AHR: variants seen among roughly 807,000 people sequenced by gnomAD.
AHR encodes the protein AH-receptor.
In AHR, 40 loss-of-function variants were observed where a neutral mutation model predicts 86.8. That is an observed-to-expected ratio of 0.46 (90% CI 0.36 to 0.60). The LOEUF is 0.60. Among genes scored for constraint, AHR ranks in the 20% least tolerant of loss-of-function variants. The pLI, the probability that AHR is intolerant of heterozygous loss-of-function variation, is 0.00. For synonymous variants in AHR, 398 were observed against 354.9 expected, an observed-to-expected ratio of 1.12 and a Z score of -1.37; for missense variants, 1,001 against 1,011.6, an observed-to-expected ratio of 0.99 and a Z score of 0.14.
Position 17,339,380 on chromosome 7 carries a change from G to T in AHR, c.1555G>T (p.Asp519Tyr). 1 of 1,614,188 alleles carries T rather than the reference G, an allele frequency of 6.2e-7. No homozygotes were observed. Among genetic ancestry groups the T allele is most frequent in the Non-Finnish European group, 8.5e-7 (1 of 1,180,036 alleles). ...LKHEQIDQPQ[D>Y]VNSFAGGHPG... ...ACATGAGCAAATTGACCAGCCTCAG[G>T]ATGTGAACTCATTTGCTGGAGGTCA... is the stretch of plus-strand genomic sequence containing the variant. Residue 519 changes from aspartate (D) to tyrosine (Y), a missense_variant, in exon 10 of 11, where the codon GAT becomes TAT. Coordinates refer to ENST00000242057, the MANE Select transcript of AHR (RefSeq NM_001621.5).
rs1464719410 is a variant in AHR, at chr7:17,340,022, T to A, written c.2197T>A (p.Ser733Thr). The change falls in exon 10 of 11, where the codon TCT becomes ACT. Residue 733 changes from serine (S) to threonine (T), a missense_variant. By Grantham distance (58) the Ser-to-Thr change is moderately conservative (BLOSUM62 1). Coordinates refer to ENST00000242057, the MANE Select transcript of AHR (RefSeq NM_001621.5). ...SFEPSPYPTTSSLEDFVTCLQ... is the reference protein window; with the variant it reads ...SFEPSPYPTTTSLEDFVTCLQ... ...TGAACCATCCCCATACCCCACTACT[T>A]CTAGTTTAGAAGATTTTGTCACTTG... 4 of 1,614,034 alleles carry A rather than the reference T, an allele frequency of 2.5e-6. No individual in the cohort carries two copies. The highest frequency in any genetic ancestry group is 1.6e-4 in the Middle Eastern group (1 of 6,084).
chr7:17,302,144 A>T (rs1054113064), intron 1 of AHR, among the ~76,000 whole-genome samples: 4 of 151,918 alleles, frequency 2.6e-5, no homozygotes, highest in African/African-American at 9.7e-5. Context: ...GTTGTAATGG[A>T]TTTCAGCTTA....
chr7:17,319,012 C>T (rs527713614), intron 2 of AHR, among the ~76,000 whole-genome samples: 1 of 152,196 alleles, frequency 6.6e-6, no homozygotes, highest in South Asian at 2.1e-4. Flanking sequence ...GTGGCAGAGG[C>T]ATGTAAGTGG....
Position 17,339,740 on chromosome 7 carries a change from T to C in AHR, c.1915T>C (p.Cys639Arg), listed in dbSNP as rs1007171319. The change falls in exon 10 of 11, where the codon TGT becomes CGT. Residue 639 changes from cysteine (C) to arginine (R), a missense_variant. By Grantham distance (180) the Cys-to-Arg change is radical. This residue lies in a region of AHR where 607 missense variants were observed against 543.1 expected (regional missense o/e 1.12). Coordinates refer to ENST00000242057, the MANE Select transcript of AHR (RefSeq NM_001621.5). ...QVVVEPQQQL[C>R]QKMKHMQVNG... ...AGTAGTGGAGCCACAGCAACAGCTG[T>C]GTCAGAAGATGAAGCACATGCAAGT... 6.2e-7 allele frequency: 1 copy of C among 1,614,192 alleles called. No homozygotes were observed.
In AHR at chr7:17,334,924, T is replaced by A; in HGVS notation, c.946T>A (p.Cys316Ser). 6.2e-7 allele frequency: 1 copy of A among 1,613,346 alleles called. No homozygotes were observed. Among genetic ancestry groups the A allele is most frequent in the Non-Finnish European group, 8.5e-7 (1 of 1,179,430 alleles). ...IVLGYTEAEL[C>S]TRGSGYQFIH... Reference sequence around the variant, plus strand: ...TTTAGGATATACTGAAGCAGAGCTGTGCACGAGAGGCTCAGGTTATCAGTT... The same window carrying A: ...TTTAGGATATACTGAAGCAGAGCTGAGCACGAGAGGCTCAGGTTATCAGTT... Residue 316 changes from cysteine to serine, a missense_variant, in exon 8 of 11, where the codon TGC becomes AGC. This residue lies in a region of AHR where 394 missense variants were observed against 468.5 expected (regional missense o/e 0.84). Transcript: ENST00000242057.
intron 2 of AHR, among the ~76,000 whole-genome samples, chr7:17,316,742 T>A (rs1584033554): frequency 1.3e-5 from 2 of 152,172 alleles, no homozygotes; most frequent in South Asian, 4.1e-4. Context: ...TTACAGAGCA[T>A]TCTGTTGTCA....
rs775252279 is a variant in AHR, at chr7:17,345,926, A to C, written c.*2862A>C. On this transcript the variant is annotated 3_prime_UTR_variant, in exon 11 of 11. Transcript: ENST00000242057. ...CAGGTTTTTCTTACAATACCTGAAGACTTACCAGTATTCTAGTGTATTATG... is the reference window on the plus strand; with the variant it reads ...CAGGTTTTTCTTACAATACCTGAAGCCTTACCAGTATTCTAGTGTATTATG... The C allele has an allele frequency of 6.5e-6, 1 of 152,686 alleles. No individual in the cohort carries two copies. The highest frequency in any genetic ancestry group is 1.5e-5 in the Non-Finnish European group (1 of 68,006). The allele number at this position is 152,686 out of a possible 1,614,324, so 9.5% of individuals were successfully genotyped here.
At position 17,339,324 on chromosome 7, in the gene AHR, C is replaced by T; in HGVS notation, c.1499C>T (p.Thr500Ile). ...GAATGCAGAAATTGGCAAGATAATA[C>T]TGCACCGATGGGAAATGATACTATC... is the stretch of plus-strand genomic sequence containing the variant. ...MNECRNWQDN[T>I]APMGNDTILK... Residue 500 changes from threonine (T) to isoleucine (I), a missense_variant, in exon 10 of 11, where the codon ACT becomes ATT. Around this residue, in one of 2 missense-constraint regions of AHR, gnomAD observed 607 missense variants for 543.1 expected, o/e 1.12. Coordinates refer to ENST00000242057, the MANE Select transcript of AHR (RefSeq NM_001621.5). The T allele has an allele frequency of 6.2e-7, 1 of 1,614,184 alleles. No individual in the cohort carries two copies.
At position 17,339,144 on chromosome 7, in the gene AHR, C is replaced by T. The variant is rs775338539; in HGVS notation, c.1319C>T (p.Ser440Phe). Residue 440 changes from serine to phenylalanine, a missense_variant, in exon 10 of 11, where the codon TCT (serine) becomes TTT (phenylalanine). Around this residue, in one of 2 missense-constraint regions of AHR, gnomAD observed 607 missense variants for 543.1 expected, o/e 1.12. Transcript: ENST00000242057. ...AAAAATGGCACTAGTGGAAAAGACT[C>T]TGCTACCACATCCACTCTAAGCAAG... is the stretch of plus-strand genomic sequence containing the variant. Reference protein sequence around the residue: ...RTKNGTSGKDSATTSTLSKDS... With the variant: ...RTKNGTSGKDFATTSTLSKDS... The T allele has an allele frequency of 5.6e-6, 9 of 1,614,068 alleles. No homozygotes were observed. The Admixed American group carries it at 1.3e-4, about 24-fold the overall frequency.
At chr7:17,316,869 T>C (rs1300552999) in intron 2 of AHR, among the ~76,000 whole-genome samples, 1 of 152,120 alleles carries the variant, frequency 6.6e-6, no homozygotes, top group Non-Finnish European at 1.5e-5. Flanking sequence ...GCAGGAGCTG[T>C]GGATGCTAGT....
chr7:17,313,776 T>C (rs368612768), intron 2 of AHR, among the ~76,000 whole-genome samples: 1 of 152,172 alleles, frequency 6.6e-6, no homozygotes, highest in East Asian at 1.9e-4. Flanking sequence ...ATGGAGGGTA[T>C]TTTAAAAATT....
intron 10 of AHR, among the ~76,000 whole-genome samples, chr7:17,341,706 AT>A (rs1782425851): frequency 6.6e-6 from 1 of 152,180 alleles, no homozygotes; most frequent in South Asian, 2.1e-4. Flanking sequence ...ATCTTTTATT[AT>A]TGATTTCATG....
chr7:17,321,295 A>G (rs1443219549), intron 2 of AHR, among the ~76,000 whole-genome samples: 2 of 152,008 alleles, frequency 1.3e-5, no homozygotes, highest in Admixed American at 6.6e-5. Context: ...TTGATCCACT[A>G]TGTGTCAGAA....
intron 7 of AHR, among the ~76,000 whole-genome samples, chr7:17,334,375 T>C (rs891430253): frequency 1.3e-5 from 2 of 152,034 alleles, no homozygotes; most frequent in Non-Finnish European, 2.9e-5. Flanking sequence ...ACATTTATGT[T>C]GGTTTGTTTT....
intron 1 of AHR, among the ~76,000 whole-genome samples, chr7:17,301,671 A>AC (rs959525316): frequency 8.6e-5 from 13 of 150,724 alleles, no homozygotes; most frequent in Middle Eastern, 3.4e-3. Context: ...AGAAAAATCA[A>AC]CCCCCCCTAG....
In AHR at chr7:17,339,969, C is replaced by T. The variant is rs1278930101; in HGVS notation, c.2144C>T (p.Thr715Ile). The change falls in exon 10 of 11, where the codon ACA becomes ATA. Residue 715 changes from threonine to isoleucine, a missense_variant. Thr to Ile is a moderately conservative substitution (Grantham distance 89). This residue lies in a region of AHR where 607 missense variants were observed against 543.1 expected (regional missense o/e 1.12). Transcript: ENST00000242057. ...GTATTACCACAACATTCCAAATGTA[C>T]AGAGCTGGACTACCCTATGGGGAGT... The part of the protein sequence containing the change: ...QPVLPQHSKC[T>I]ELDYPMGSFE... 3.7e-6 allele frequency: 6 copies of T among 1,614,056 alleles called. No individual in the cohort carries two copies. In the Admixed American group the frequency reaches 6.7e-5, roughly 18 times the overall value.
Position 17,343,404 on chromosome 7 carries a change from T to G in AHR, c.*340T>G, listed in dbSNP as rs1015170124. 5 of 218,924 alleles carry G rather than the reference T, an allele frequency of 2.3e-5. No individual in the cohort carries two copies. The highest frequency in any genetic ancestry group is 4.4e-5 in the Non-Finnish European group (5 of 112,974). The allele number at this position is 218,924 out of a possible 1,614,324, so 13.6% of individuals were successfully genotyped here. The stretch of plus-strand genomic sequence containing the variant: ...AATTAGAAAATATTCTCTATTTGAA[T>G]TATTTCTGTCACAGTAAAAATAAAA... On this transcript the variant is annotated 3_prime_UTR_variant, in exon 11 of 11. Transcript: ENST00000242057.
intron 2 of AHR, 107 bp downstream of exon 2, chr7:17,310,230 A>G: frequency 9.1e-7 from 1 of 1,101,780 alleles, no homozygotes; most frequent in Non-Finnish European, 1.2e-6. Context: ...TATTTGGAAA[A>G]TTTATTGCTG....
Position 17,339,193 on chromosome 7 carries a change from C to A in AHR, c.1368C>A (p.Leu456=). The change falls in exon 10 of 11, where the codon CTC becomes CTA. Residue 456 remains leucine (L), a synonymous_variant. Coordinates refer to ENST00000242057, the MANE Select transcript of AHR (RefSeq NM_001621.5). ...LSKDSLNPSS[L]LAAMMQQDES... ...AGGACTCTCTCAATCCTAGTTCCCT[C>A]CTGGCTGCCATGATGCAACAAGATG... The A allele has an allele frequency of 6.2e-7, 1 of 1,614,172 alleles. No individual in the cohort carries two copies. The highest frequency in any genetic ancestry group is 1.1e-5 in the South Asian group (1 of 91,082).
Sources: gnomAD v4.1 joint callset for allele counts (sites outside exome capture counted in the v4.1 genomes callset) on GRCh38, gnomAD v4.1.1 for gene constraint, gnomAD v4.1.1 regional missense constraint, MANE v1.5 for transcripts, NCBI Gene and HGNC (gene_info 2026-07-23, HGNC 2026-07-21) for gene names.